The following CCDC3 variants were observed in gnomAD, a reference collection of about 807,000 sequenced individuals.
The protein encoded by CCDC3 is coiled-coil domain-containing protein 3.
CCDC3 carries 24 observed loss-of-function variants against 21.4 expected under a neutral mutation model. The ratio of observed to expected loss-of-function variants is 1.12; its 90% confidence interval spans 0.81 to 1.58. CCDC3 has a LOEUF of 1.58. CCDC3 is among the 40% of genes most tolerant of loss of function. The pLI is 0.00. For synonymous variants in CCDC3, 186 were observed against 166.0 expected (o/e 1.12, Z -0.93); for missense variants, 425 against 360.9 (o/e 1.18, Z -1.44).
At chr10:12,979,447 CA>C (rs1835464297) in intron 2 of CCDC3, among the ~76,000 whole-genome samples, 1 of 151,940 alleles carries the variant, frequency 6.6e-6, no homozygotes, top group South Asian at 2.1e-4. Context: ...GGCTGGAGTG[CA>C]GTGGCATGAT....
chr10:12,912,778 A>G (rs1004964267), intron 2 of CCDC3, among the ~76,000 whole-genome samples: 1 of 152,034 alleles, frequency 6.6e-6, no homozygotes, highest in African/African-American at 2.4e-5. Flanking sequence ...CATTGAGTTG[A>G]TTTTTGTATA....
chr10:12,899,633 G>A (rs918468429), intron 2 of CCDC3, among the ~76,000 whole-genome samples: 15 of 152,318 alleles, frequency 9.8e-5, no homozygotes, highest in East Asian at 1.9e-4. Flanking sequence ...AGACAGCTCC[G>A]TGTGAATGGT....
chr10:13,049,474 C>T (rs541743248), intron 5 of CCDC3, among the ~76,000 whole-genome samples: 25 of 152,168 alleles, frequency 1.6e-4, no homozygotes, highest in South Asian at 4.1e-4. Context: ...CAACCTGTGA[C>T]GCTGGAAAAG....
rs369006506 is a variant in CCDC3, at chr10:12,897,574, G to A, written c.*842C>T. 2 of 152,322 alleles carry A rather than the reference G, an allele frequency of 1.3e-5. No individual in the cohort carries two copies. The highest frequency in any genetic ancestry group is 2.1e-4 in the South Asian group (1 of 4,824). The allele number at this position is 152,322 out of a possible 1,614,324, so 9.4% of individuals were successfully genotyped here. ...ACAGCGTCTTGGAGCACCTCACTTT[G>A]AGTTCAGAGACATTAGAAACAATTA... On this transcript the variant is annotated 3_prime_UTR_variant, in exon 3 of 3. Transcript: ENST00000378825.
intron 3 of CCDC3, among the ~76,000 whole-genome samples, chr10:13,091,081 GCAAGTCTGCCCTTCCAC>G (rs141274686): frequency 0.013 from 2,005 of 152,280 alleles, 13 homozygotes; most frequent in Middle Eastern, 0.041. Flanking sequence ...GGAAGACTCA[GCAAGTCTGCCCTTCCAC>G]CTTCTTCTGC....
chr10:12,900,522 C>CAAAAAA (rs10716235), intron 2 of CCDC3, among the ~76,000 whole-genome samples: 338 of 75,682 alleles, frequency 4.5e-3, no homozygotes, highest in Non-Finnish European at 5.7e-3. Flanking sequence ...ACTAAAAATA[C>CAAAAAA]AAAAAAAAAA....
chr10:12,959,114 C>T (rs1413874261), intron 2 of CCDC3, among the ~76,000 whole-genome samples: 1 of 152,068 alleles, frequency 6.6e-6, no homozygotes, highest in Non-Finnish European at 1.5e-5. Context: ...CAGTCCACTG[C>T]AGACCAGCAA....
At chr10:12,906,943 A>G (rs762693447) in intron 2 of CCDC3, among the ~76,000 whole-genome samples, 1 of 152,150 alleles carries the variant, frequency 6.6e-6, no homozygotes, top group East Asian at 1.9e-4. Flanking sequence ...ATCTCTGCTC[A>G]CACCTTAACC....
intron 5 of CCDC3, among the ~76,000 whole-genome samples, chr10:13,013,311 A>G (rs190003513): frequency 1.4e-4 from 22 of 152,384 alleles, no homozygotes; most frequent in Admixed American, 1.2e-3. Context: ...AATTCTGATT[A>G]GCCACAAACA....
intron 2 of CCDC3, among the ~76,000 whole-genome samples, chr10:12,939,899 G>A (rs757053001): frequency 1.8e-4 from 27 of 152,114 alleles, no homozygotes; most frequent in African/African-American, 6.0e-4. Context: ...AATTCACTTG[G>A]CTAATTCTAA....
chr10:12,955,881 A>G (rs1245947164), intron 2 of CCDC3, among the ~76,000 whole-genome samples: 1 of 151,978 alleles, frequency 6.6e-6, no homozygotes, highest in Admixed American at 6.6e-5. Context: ...GGCTAATTTT[A>G]TATTTTTAGT....
chr10:13,068,192 A>G (rs1836844518), intron 4 of CCDC3, among the ~76,000 whole-genome samples: 1 of 152,150 alleles, frequency 6.6e-6, no homozygotes, highest in Non-Finnish European at 1.5e-5. Flanking sequence ...AGTCATGCCT[A>G]TTTTATTAGG....
At chr10:13,062,949 A>G (rs1192730378) in intron 4 of CCDC3, among the ~76,000 whole-genome samples, 1 of 150,776 alleles carries the variant, frequency 6.6e-6, no homozygotes, top group Non-Finnish European at 1.5e-5. Flanking sequence ...CAGTGCAAGA[A>G]GACAGCTGAC....
chr10:12,937,779 T>A (rs1834764003), intron 2 of CCDC3, among the ~76,000 whole-genome samples: 1 of 152,296 alleles, frequency 6.6e-6, no homozygotes, highest in Non-Finnish European at 1.5e-5. Context: ...AACATGTTCA[T>A]TGTCCTGGCT....
chr10:13,043,122 G>A (rs113442348), intron 5 of CCDC3, among the ~76,000 whole-genome samples: 74 of 152,076 alleles, frequency 4.9e-4, no homozygotes, highest in African/African-American at 1.7e-3. Flanking sequence ...TGTTATATGG[G>A]TATATTTGTG....
chr10:13,077,373 T>G (rs1311693838), intron 3 of CCDC3, among the ~76,000 whole-genome samples: 1 of 152,136 alleles, frequency 6.6e-6, no homozygotes, highest in African/African-American at 2.4e-5. Context: ...CACAAACAAA[T>G]GGAAGAACAT....
At chr10:13,058,306 CT>C in intron 4 of CCDC3, 2 of 1,354,214 alleles carry the variant, frequency 1.5e-6, no homozygotes, top group Non-Finnish European at 2.1e-6. Context: ...CGCCAGTCAC[CT>C]TCACTTGGCC....
chr10:12,916,890 G>A (rs1365380040), intron 2 of CCDC3, among the ~76,000 whole-genome samples: 1 of 152,224 alleles, frequency 6.6e-6, no homozygotes, highest in Non-Finnish European at 1.5e-5. Context: ...TCTAAGTGCT[G>A]GAAGCAGTCC....
chr10:13,084,902 T>A (rs756742333), intron 3 of CCDC3, among the ~76,000 whole-genome samples: 5 of 152,134 alleles, frequency 3.3e-5, no homozygotes, highest in Non-Finnish European at 7.4e-5. Flanking sequence ...GAGCACCCCA[T>A]TAGCAGGTGA....
Sources: gnomAD v4.1 joint callset for allele counts (sites outside exome capture counted in the v4.1 genomes callset) on GRCh38, gnomAD v4.1.1 for gene constraint, MANE v1.5 for transcripts, NCBI Gene and HGNC (gene_info 2026-07-23, HGNC 2026-07-21) for gene names.